Variants in PCDH9 observed in about 807,000 individuals in gnomAD.
PCDH9 encodes protocadherin 9, also known as protocadherin-9.
PCDH9 carries 24 observed loss-of-function variants against 70.6 expected under a neutral mutation model. The observed-to-expected ratio is 0.34, with a 90% CI of 0.25 to 0.48. The LOEUF (loss-of-function observed/expected upper bound fraction) is 0.48, where lower values mean the gene tolerates loss of function less well. Ranked by LOEUF, PCDH9 falls within the 20% of genes least tolerant of loss-of-function variation. The pLI, the probability that PCDH9 is intolerant of heterozygous loss-of-function variation, is 0.99. For missense variants in PCDH9, 1,281 were observed against 1,503.6 expected, an observed-to-expected ratio of 0.85 and a Z score of 2.45; for synonymous variants, 562 against 558.5, an observed-to-expected ratio of 1.01 and a Z score of -0.09.
chr13:67,228,524 G>A lies in PCDH9; in HGVS notation c.-84C>T. The A allele has an allele frequency of 8.7e-7, 1 of 1,143,410 alleles. No individual in the cohort carries two copies. Among genetic ancestry groups the A allele is most frequent in the Non-Finnish European group, 1.2e-6 (1 of 810,386 alleles). 70.8% of individuals were successfully genotyped at this position (1,143,410 alleles called of 1,614,324 possible). A position where few individuals can be genotyped will look rare whatever the true frequency, so the allele number is the denominator to read the frequency against. On this transcript the variant is annotated 5_prime_UTR_variant, in exon 2 of 5. The change creates a new upstream start codon in the 5' untranslated region. Coordinates refer to ENST00000377865, the MANE Select transcript of PCDH9 (RefSeq NM_203487.3). ...TGATGCACAAATTGCAAGAGGAAGC[G>A]TGCATGGACTGGAGGATGCATTATA...
At chr13:66,592,766 C>G (rs2077053991) in intron 4 of PCDH9, among the ~76,000 whole-genome samples, 1 of 151,580 alleles carries the variant, frequency 6.6e-6, no homozygotes, top group South Asian at 2.1e-4. Context: ...TTCAAAAGAA[C>G]AGAACAAGGA....
chr13:67,202,991 A>T (rs578237021), intron 2 of PCDH9: 1 of 152,124 alleles, frequency 6.6e-6, no homozygotes, highest in Non-Finnish European at 1.5e-5. Flanking sequence ...AACAGGAGTT[A>T]ATGAAGCAAA....
At chr13:66,527,743 C>T (rs1380031600) in intron 4 of PCDH9, among the ~76,000 whole-genome samples, 2 of 152,064 alleles carry the variant, frequency 1.3e-5, no homozygotes, top group Non-Finnish European at 2.9e-5. Context: ...ATCAGCCGGG[C>T]ACAGTGGCTT....
intron 4 of PCDH9, among the ~76,000 whole-genome samples, chr13:66,366,753 A>C (rs1314285560): frequency 6.6e-6 from 1 of 152,082 alleles, no homozygotes; most frequent in African/African-American, 2.4e-5. Flanking sequence ...CCAAAACATT[A>C]GCTGATAAAA....
chr13:67,100,203 A>C (rs1035962023), intron 2 of PCDH9, among the ~76,000 whole-genome samples: 1 of 152,172 alleles, frequency 6.6e-6, no homozygotes, highest in Non-Finnish European at 1.5e-5. Context: ...TAATTAGATT[A>C]TATGCCTATT....
Position 66,789,671 on chromosome 13 carries a change from G to T in PCDH9, c.3138+113833C>A, listed in dbSNP as rs2080133740. On this transcript the variant is annotated intron_variant, in intron 3 of 4. Transcript: ENST00000377865. ...AAGATTGCAACTTCCTCTCAGCACT[G>T]TGTATCCCCGTTTTATGCTCTGTTG... is the stretch of plus-strand genomic sequence containing the variant. 2.0e-5 allele frequency among the ~76,000 whole-genome samples: 3 copies of T among 152,048 alleles called. No homozygotes were observed. In the South Asian group the frequency reaches 6.2e-4, roughly 32 times the overall value.
At chr13:66,579,409 C>T (rs1293321788) in intron 4 of PCDH9, among the ~76,000 whole-genome samples, 1 of 151,930 alleles carries the variant, frequency 6.6e-6, no homozygotes, top group Non-Finnish European at 1.5e-5. Context: ...TAAATTATTA[C>T]CAAACAAAAT....
chr13:67,092,001 T>C (rs975378311), intron 2 of PCDH9, among the ~76,000 whole-genome samples: 3 of 152,202 alleles, frequency 2.0e-5, no homozygotes, highest in Non-Finnish European at 2.9e-5. Context: ...GAATGTGTTA[T>C]ACTTATTCCT....
At chr13:66,550,110 A>T (rs148170890) in intron 4 of PCDH9, among the ~76,000 whole-genome samples, 1 of 152,264 alleles carries the variant, frequency 6.6e-6, no homozygotes, top group African/African-American at 2.4e-5. Context: ...ATAATTCAAT[A>T]CAGATAACTT....
In PCDH9 at chr13:66,561,750, G is replaced by A. The variant is rs1170483323; in HGVS notation, c.3340+69460C>T. On this transcript the variant is annotated intron_variant, in intron 4 of 4. Coordinates refer to ENST00000377865, the MANE Select transcript of PCDH9 (RefSeq NM_203487.3). The stretch of plus-strand genomic sequence containing the variant: ...TGTGTCTAGCTCAGGGATTGTAAAC[G>A]CACCAATCAGCGCCCTGTCAAAACA... Among the ~76,000 whole-genome samples the A allele has an allele frequency of 3.3e-4, 50 of 151,970 alleles. 1 individual carries two copies. Among genetic ancestry groups the A allele is most frequent in the Admixed American group, 3.2e-3 (49 of 15,256 alleles).
chr13:66,875,735 T>C (rs574843611), intron 3 of PCDH9, among the ~76,000 whole-genome samples: 2 of 152,346 alleles, frequency 1.3e-5, no homozygotes, highest in Admixed American at 6.5e-5. Flanking sequence ...AGTTTATTTA[T>C]AGTTTACTGC....
chr13:66,474,668 A>C (rs911048655), intron 4 of PCDH9, among the ~76,000 whole-genome samples: 1 of 152,132 alleles, frequency 6.6e-6, no homozygotes, highest in Non-Finnish European at 1.5e-5. Context: ...AATAGGCATA[A>C]ATTTTATGTT....
chr13:66,405,003 T>A (rs1017826104), intron 4 of PCDH9, among the ~76,000 whole-genome samples: 3 of 152,202 alleles, frequency 2.0e-5, no homozygotes, highest in African/African-American at 7.2e-5. Context: ...TTTAAAGAAA[T>A]AAATGATATT....
At chr13:66,376,754 T>G (rs1462314340) in intron 4 of PCDH9, among the ~76,000 whole-genome samples, 1 of 152,130 alleles carries the variant, frequency 6.6e-6, no homozygotes, top group Non-Finnish European at 1.5e-5. Context: ...ATGAATGAAT[T>G]ATACTACTAT....
chr13:66,884,206 C>A (rs752826337), intron 3 of PCDH9, among the ~76,000 whole-genome samples: 1 of 151,908 alleles, frequency 6.6e-6, no homozygotes, highest in Non-Finnish European at 1.5e-5. Context: ...CCACTTTAAG[C>A]GTTCTTGCTT....
chr13:66,454,884 C>T (rs766369101), intron 4 of PCDH9, among the ~76,000 whole-genome samples: 1 of 152,034 alleles, frequency 6.6e-6, no homozygotes, highest in Non-Finnish European at 1.5e-5. Context: ...GGATTACAGG[C>T]GTGAGCCACG....
intron 3 of PCDH9, among the ~76,000 whole-genome samples, chr13:66,892,189 A>G (rs1421986472): frequency 6.7e-6 from 1 of 149,490 alleles, no homozygotes; most frequent in East Asian, 2.0e-4. Flanking sequence ...GTGTGTGTAT[A>G]TATATGTGTT....
chr13:67,022,535 C>T (rs1218319591), intron 2 of PCDH9, among the ~76,000 whole-genome samples: 6 of 152,198 alleles, frequency 3.9e-5, no homozygotes, highest in African/African-American at 9.6e-5. Flanking sequence ...TATTTTGCTA[C>T]TTTTCCTTTT....
At chr13:66,804,629 T>C (rs1370184744) in intron 3 of PCDH9, among the ~76,000 whole-genome samples, 1 of 152,186 alleles carries the variant, frequency 6.6e-6, no homozygotes, top group African/African-American at 2.4e-5. Flanking sequence ...GAATTTGTTG[T>C]TAACTAATTG....
Sources: allele counts gnomAD v4.1 joint callset (sites outside exome capture counted in the v4.1 genomes callset), GRCh38; gene constraint gnomAD v4.1.1; transcripts MANE v1.5; gene names NCBI Gene and HGNC (gene_info 2026-07-23, HGNC 2026-07-21).